The following DAB1 variants were observed in gnomAD, a reference collection of about 807,000 sequenced individuals.
DAB1 encodes disabled homolog 1.
A neutral mutation model predicts 64.6 loss-of-function variants in DAB1; 15 were observed. That is an observed-to-expected ratio of 0.23 (90% CI 0.16 to 0.36). DAB1 has a LOEUF of 0.36. DAB1 is among the 10% of genes least tolerant of loss of function. The pLI, the probability that DAB1 is intolerant of heterozygous loss-of-function variation, is 1.00. For missense variants in DAB1, 596 were observed against 706.7 expected, an observed-to-expected ratio of 0.84 and a Z score of 1.78; for synonymous variants, 235 against 251.9, an observed-to-expected ratio of 0.93 and a Z score of 0.64.
intron 4 of DAB1, among the ~76,000 whole-genome samples, chr1:58,290,953 TA>T (rs939183547): frequency 1.3e-5 from 2 of 152,096 alleles, no homozygotes; most frequent in Admixed American, 1.3e-4. Context: ...AATCTTCCTT[TA>T]AACAAGACAC....
intron 9 of DAB1, among the ~76,000 whole-genome samples, chr1:57,032,117 C>T (rs900550150): frequency 5.3e-5 from 8 of 152,250 alleles, no homozygotes; most frequent in Non-Finnish European, 1.0e-4. Context: ...TGCAACTAGA[C>T]CCCTAGGCCT....
At chr1:58,390,880 A>G (rs1392239959) in intron 3 of DAB1, among the ~76,000 whole-genome samples, 1 of 152,172 alleles carries the variant, frequency 6.6e-6, no homozygotes, top group African/African-American at 2.4e-5. Context: ...AGTGTCTGGC[A>G]TGCAGTGGGA....
chr1:57,218,110 G>A (rs369776564), intron 2 of DAB1, among the ~76,000 whole-genome samples: 2 of 152,090 alleles, frequency 1.3e-5, no homozygotes, highest in Admixed American at 6.5e-5. Context: ...TTGAAGAGCC[G>A]TCTGAGTTGT....
intron 3 of DAB1, among the ~76,000 whole-genome samples, chr1:58,493,834 C>T (rs1452510996): frequency 1.3e-5 from 2 of 151,848 alleles, no homozygotes; most frequent in Admixed American, 1.3e-4. Context: ...TGAAAATGGC[C>T]ATACTGCCCA....
chr1:57,080,546 C>A (rs1224146128), intron 4 of DAB1, among the ~76,000 whole-genome samples: 4 of 152,130 alleles, frequency 2.6e-5, no homozygotes, highest in Admixed American at 6.5e-5. Context: ...ATACACACAC[C>A]AGTCTAGAAA....
intron 1 of DAB1, among the ~76,000 whole-genome samples, chr1:57,865,777 A>T (rs1371384884): frequency 6.6e-6 from 1 of 152,168 alleles, no homozygotes; most frequent in Non-Finnish European, 1.5e-5. Context: ...TAGATCTACT[A>T]CCTACTGGCT....
At chr1:58,135,327 G>T (rs1053134074) in intron 5 of DAB1, among the ~76,000 whole-genome samples, 46 of 152,086 alleles carry the variant, frequency 3.0e-4, no homozygotes, top group African/African-American at 1.1e-3. Flanking sequence ...GAAGAATGAG[G>T]TTATTATAGA....
At chr1:57,192,855 A>G (rs1262630108) in intron 2 of DAB1, among the ~76,000 whole-genome samples, 1 of 152,178 alleles carries the variant, frequency 6.6e-6, no homozygotes, top group Non-Finnish European at 1.5e-5. Context: ...AGTGTTTCTT[A>G]GTATACTCAT....
chr1:57,565,630 C>A (rs930930748), intron 7 of DAB1, among the ~76,000 whole-genome samples: 7 of 152,136 alleles, frequency 4.6e-5, no homozygotes, highest in Non-Finnish European at 1.0e-4. Flanking sequence ...CAATCCTAGT[C>A]TCTGATAAAG....
intron 5 of DAB1, among the ~76,000 whole-genome samples, chr1:58,045,039 G>A (rs1312345729): frequency 1.3e-5 from 2 of 152,130 alleles, no homozygotes; most frequent in African/African-American, 2.4e-5. Flanking sequence ...GCTTACAGAT[G>A]AAAACATACA....
At chr1:57,001,775 C>T (rs940016488) in intron 14 of DAB1, among the ~76,000 whole-genome samples, 7 of 152,158 alleles carry the variant, frequency 4.6e-5, no homozygotes, top group East Asian at 3.9e-4. Flanking sequence ...CTTCTGGCTT[C>T]GGAGGCTTCT....
intron 9 of DAB1, among the ~76,000 whole-genome samples, chr1:57,057,677 G>A (rs961493769): frequency 2.0e-5 from 3 of 149,484 alleles, no homozygotes; most frequent in Non-Finnish European, 3.0e-5. Flanking sequence ...GCATGATCTC[G>A]GCTCACTGCA....
intron 1 of DAB1, among the ~76,000 whole-genome samples, chr1:57,318,401 A>G (rs768246955): frequency 6.6e-6 from 1 of 152,220 alleles, no homozygotes; most frequent in Non-Finnish European, 1.5e-5. Flanking sequence ...TATGCCCTTT[A>G]GATGCTGTCC....
chr1:57,807,643 C>G (rs1382903155), intron 6 of DAB1, among the ~76,000 whole-genome samples: 1 of 152,126 alleles, frequency 6.6e-6, no homozygotes, highest in Non-Finnish European at 1.5e-5. Context: ...CACATAAATT[C>G]AAATTGTGTG....
At chr1:57,679,507 T>TGCA (rs1443085639) in intron 6 of DAB1, among the ~76,000 whole-genome samples, 1 of 152,212 alleles carries the variant, frequency 6.6e-6, no homozygotes, top group Non-Finnish European at 1.5e-5. Flanking sequence ...GCCAGGGCCA[T>TGCA]GCAGGTGAGA....
At chr1:57,443,255 T>C (rs562379512) in intron 7 of DAB1, among the ~76,000 whole-genome samples, 2 of 152,268 alleles carry the variant, frequency 1.3e-5, no homozygotes, top group African/African-American at 2.4e-5. Context: ...TTCACATGTG[T>C]TTGTAGTAGG....
chr1:58,318,114 T>C (rs1198381038), intron 4 of DAB1, among the ~76,000 whole-genome samples: 1 of 152,172 alleles, frequency 6.6e-6, no homozygotes, highest in Non-Finnish European at 1.5e-5. Flanking sequence ...TAATGCTAGA[T>C]TGTGTGGCTC....
intron 14 of DAB1, among the ~76,000 whole-genome samples, chr1:57,002,458 G>A (rs979858044): frequency 1.3e-5 from 2 of 152,198 alleles, no homozygotes; most frequent in African/African-American, 4.8e-5. Context: ...ACAAAGTGGG[G>A]TTTTTCTCTG....
At chr1:58,487,302 GTTT>G (rs1447066702) in intron 3 of DAB1, among the ~76,000 whole-genome samples, 1 of 152,198 alleles carries the variant, frequency 6.6e-6, no homozygotes, top group African/African-American at 2.4e-5. Flanking sequence ...TTCCTCTTCT[GTTT>G]TAATAGCTTT....
Sources: allele counts gnomAD v4.1 joint callset (sites outside exome capture counted in the v4.1 genomes callset), GRCh38; gene constraint gnomAD v4.1.1; transcripts MANE v1.5; gene names NCBI Gene and HGNC (gene_info 2026-07-23, HGNC 2026-07-21).